Variants in RPAP2 observed in about 807,000 individuals in gnomAD.
RPAP2 encodes the protein putative RNA polymerase II subunit B1 CTD phosphatase RPAP2.
In RPAP2, 52 loss-of-function variants were observed where a neutral mutation model predicts 73.1. The ratio of observed to expected loss-of-function variants is 0.71; its 90% confidence interval spans 0.57 to 0.90. The LOEUF is 0.90. Ranked by LOEUF, RPAP2 falls within the 40% of genes least tolerant of loss-of-function variation. The probability of loss-of-function intolerance (pLI) is 0.00; values close to 1 mark genes in which losing one functional copy is unlikely to be tolerated. For synonymous variants in RPAP2, 225 were observed against 242.1 expected (o/e 0.93, Z 0.65); for missense variants, 598 against 701.8 (o/e 0.85, Z 1.67).
chr1:92,340,724 G>A (rs745418105), intron 10 of RPAP2, among the ~76,000 whole-genome samples: 11 of 152,024 alleles, frequency 7.2e-5, no homozygotes, highest in Admixed American at 5.9e-4. Flanking sequence ...CAGCTTTTTC[G>A]GCTCTATGAG....
In RPAP2 at chr1:92,299,660, A is replaced by G. The variant is rs529485927; in HGVS notation, c.73+514A>G. 2.8e-4 allele frequency among the ~76,000 whole-genome samples: 42 copies of G among 152,340 alleles called. No homozygotes were observed. The South Asian group carries it at 4.1e-3, about 15-fold the overall frequency. ...CAACTATGATACAGAAGAAAATTCA[A>G]TCCCCAAAGAGATACATTTTAACCA... On this transcript the variant is annotated intron_variant, in intron 1 of 12. Transcript: ENST00000610020.
intron 8 of RPAP2, among the ~76,000 whole-genome samples, chr1:92,329,922 C>T (rs1371260487): frequency 3.3e-5 from 5 of 152,118 alleles, no homozygotes; most frequent in Admixed American, 1.3e-4. Flanking sequence ...AATTATAGGA[C>T]TGTTTTCCAA....
intron 11 of RPAP2, among the ~76,000 whole-genome samples, chr1:92,373,770 A>G (rs914474600): frequency 7.2e-6 from 1 of 138,328 alleles, no homozygotes; most frequent in African/African-American, 2.7e-5. Flanking sequence ...AAAAAAAAAA[A>G]GTAGCCAGGC....
intron 8 of RPAP2, among the ~76,000 whole-genome samples, chr1:92,330,619 G>T (rs1445977583): frequency 4.6e-5 from 7 of 151,470 alleles, no homozygotes; most frequent in Non-Finnish European, 1.0e-4. Context: ...CCTAACTTTT[G>T]TATTTTTAGT....
At chr1:92,334,722 C>T (rs1033185930) in intron 9 of RPAP2, among the ~76,000 whole-genome samples, 1 of 152,042 alleles carries the variant, frequency 6.6e-6, no homozygotes, top group Non-Finnish European at 1.5e-5. Flanking sequence ...TGCAGTGGCT[C>T]ACACCTGTAA....
chr1:92,374,151 C>G (rs1655291973), intron 11 of RPAP2, among the ~76,000 whole-genome samples: 1 of 152,084 alleles, frequency 6.6e-6, no homozygotes, highest in Admixed American at 6.5e-5. Flanking sequence ...TTGACCTATT[C>G]TATTACATTG....
chr1:92,361,883 A>C (rs1433059346), intron 11 of RPAP2, among the ~76,000 whole-genome samples: 1 of 152,188 alleles, frequency 6.6e-6, no homozygotes, highest in Non-Finnish European at 1.5e-5. Flanking sequence ...AGAATTGGTT[A>C]TAGAGCAGTT....
At chr1:92,310,099 A>C (rs148900909) in intron 6 of RPAP2, among the ~76,000 whole-genome samples, 68 of 152,318 alleles carry the variant, frequency 4.5e-4, no homozygotes, top group Middle Eastern at 6.8e-3. Flanking sequence ...ATTAGAAGGA[A>C]ACAGTGAATA....
chr1:92,358,291 A>G (rs1483613177), intron 11 of RPAP2, among the ~76,000 whole-genome samples: 1 of 151,916 alleles, frequency 6.6e-6, no homozygotes, highest in East Asian at 1.9e-4. Context: ...ACCTTCTTTC[A>G]TATGTTTCTC....
intron 11 of RPAP2, among the ~76,000 whole-genome samples, chr1:92,357,214 C>T (rs1377088900): frequency 6.6e-6 from 1 of 152,106 alleles, no homozygotes; most frequent in African/African-American, 2.4e-5. Context: ...CCCTCAAACA[C>T]TTTACAGCCT....
intron 11 of RPAP2, among the ~76,000 whole-genome samples, chr1:92,378,808 G>A (rs1399224927): frequency 6.6e-6 from 1 of 152,132 alleles, no homozygotes; most frequent in Non-Finnish European, 1.5e-5. Flanking sequence ...TGGAATACTT[G>A]GGTAGTCCTA....
At chr1:92,366,228 A>G (rs1654928746) in intron 11 of RPAP2, among the ~76,000 whole-genome samples, 1 of 152,166 alleles carries the variant, frequency 6.6e-6, no homozygotes, top group South Asian at 2.1e-4. Context: ...GCTTGAGCCC[A>G]GGAGTTTGAG....
Position 92,333,467 on chromosome 1 carries a change from G to A in RPAP2, c.1532G>A (p.Ser511Asn). 1.9e-6 allele frequency: 3 copies of A among 1,610,172 alleles called. No homozygotes were observed. Among genetic ancestry groups the A allele is most frequent in the Non-Finnish European group, 2.5e-6 (3 of 1,176,608 alleles). Residue 511 changes from serine to asparagine, a missense_variant, in exon 9 of 13, where the codon AGT becomes AAT. By Grantham distance (46) the Ser-to-Asn change is conservative. Coordinates refer to ENST00000610020, the MANE Select transcript of RPAP2 (RefSeq NM_024813.3). Reference protein sequence around the residue: ...IRKRIVLEKLSKVLPGLLVPL... With the variant: ...IRKRIVLEKLNKVLPGLLVPL... ...AAACGCATCGTACTTGAAAAGTTGA[G>A]TAAAGTGTAAGTATGTAATTGCCAT...
intron 8 of RPAP2, among the ~76,000 whole-genome samples, chr1:92,330,366 T>C (rs912155689): frequency 6.6e-6 from 1 of 152,090 alleles, no homozygotes; most frequent in Non-Finnish European, 1.5e-5. Flanking sequence ...CTAAAATTAA[T>C]GTTAGTTCTT....
At chr1:92,362,750 G>A (rs1355958923) in intron 11 of RPAP2, among the ~76,000 whole-genome samples, 1 of 151,942 alleles carries the variant, frequency 6.6e-6, no homozygotes, top group African/African-American at 2.4e-5. Context: ...GAGTTTTGAG[G>A]CCCCACATTA....
rs71091273 is a variant in RPAP2 at position 92,305,432 on chromosome 1, C to CAAAAAAAAAAAAA, written c.399+1090_399+1102dup. 2.2e-3 allele frequency among the ~76,000 whole-genome samples: 115 copies of CAAAAAAAAAAAAA among 52,670 alleles called. 16 individuals are homozygous for CAAAAAAAAAAAAA. The highest frequency in any genetic ancestry group is 0.011 in the African/African-American group (84 of 7,514). The allele number at this position is 52,670 out of a possible 152,430, so 34.6% of individuals were successfully genotyped here. On this transcript the variant is annotated intron_variant, in intron 5 of 12. Coordinates refer to ENST00000610020, the MANE Select transcript of RPAP2 (RefSeq NM_024813.3). ...GGGGCAACAGAGTGAGGCTCCGTCT[C>CAAAAAAAAAAAAA]AAAAAAAAAAAAAAAAAAAGACAAT...
chr1:92,377,940 C>T (rs1246781803), intron 11 of RPAP2, among the ~76,000 whole-genome samples: 2 of 152,172 alleles, frequency 1.3e-5, no homozygotes, highest in Non-Finnish European at 2.9e-5. Flanking sequence ...AGGGGCAGCT[C>T]TTACAGCTGT....
Position 92,304,013 on chromosome 1 carries a change from G to A in RPAP2, c.271G>A (p.Val91Met), listed in dbSNP as rs774278468. The change falls in exon 4 of 13, where the codon GTG becomes ATG. Residue 91 changes from valine (V) to methionine (M), a missense_variant. Transcript: ENST00000610020. The stretch of plus-strand genomic sequence containing the variant: ...TACACCTGCTCACTACAGTGATGTC[G>A]TGGATGAACGTTCTATTGTCAAACT... ...FITPAHYSDV[V>M]DERSIVKLCG... 9.3e-6 allele frequency: 15 copies of A among 1,612,812 alleles called. No homozygotes were observed. Among genetic ancestry groups the A allele is most frequent in the East Asian group, 4.5e-5 (2 of 44,810 alleles).
At chr1:92,323,349 A>G (rs541730415) in intron 7 of RPAP2, 96 bp from the exon 8 acceptor site, 1 of 745,290 alleles carries the variant, frequency 1.3e-6, no homozygotes, top group Non-Finnish European at 2.0e-6. Context: ...GAAAGTTACA[A>G]TGTATAAATA....
Sources: allele counts gnomAD v4.1 joint callset (sites outside exome capture counted in the v4.1 genomes callset), GRCh38; gene constraint gnomAD v4.1.1; transcripts MANE v1.5; gene names NCBI Gene and HGNC (gene_info 2026-07-23, HGNC 2026-07-21).